Variants in NR5A2 observed in about 807,000 individuals in gnomAD.
The protein encoded by NR5A2 is nuclear receptor subfamily 5 group A member 2, also known as CYP7A promoter-binding factor.
In NR5A2, 26 loss-of-function variants were observed where a neutral mutation model predicts 62.7. The ratio of observed to expected loss-of-function variants is 0.41; its 90% CI spans 0.30 to 0.58. The LOEUF (loss-of-function observed/expected upper bound fraction) is 0.58. NR5A2 is among the 20% of genes least tolerant of loss of function. The probability of loss-of-function intolerance (pLI) is 0.22; values close to 1 mark genes in which losing one functional copy is unlikely to be tolerated. For missense variants in NR5A2, 541 were observed against 669.1 expected (o/e 0.81, Z 2.11); for synonymous variants, 246 against 241.7 (o/e 1.02, Z -0.16).
rs1471043083 is a variant in NR5A2 at position 200,176,343 on chromosome 1, G to A, written c.*2133G>A. On this transcript the variant is annotated 3_prime_UTR_variant, in exon 8 of 8. Coordinates refer to ENST00000367362, the MANE Select transcript of NR5A2 (RefSeq NM_205860.3). ...ACCTCTAATACTCATCCACATGAAG[G>A]GTACACATTAGGTAAGCTGGGCGTT... The A allele has an allele frequency of 6.6e-6, 1 of 152,530 alleles. No individual in the cohort carries two copies. The highest frequency in any genetic ancestry group is 1.5e-5 in the Non-Finnish European group (1 of 68,028). 9.4% of individuals were successfully genotyped at this position (152,530 alleles called of 1,614,324 possible).
chr1:200,072,039 T>A (rs1663759860), intron 5 of NR5A2, among the ~76,000 whole-genome samples: 1 of 152,186 alleles, frequency 6.6e-6, no homozygotes. Flanking sequence ...GGAAATTGAT[T>A]CATGTTTGGT....
At chr1:200,137,317 A>AT (rs775106954) in intron 7 of NR5A2, among the ~76,000 whole-genome samples, 8,712 of 131,102 alleles carry the variant, frequency 0.066, 378 homozygotes, top group East Asian at 0.24. Flanking sequence ...CACCTGGCTA[A>AT]TTTTTTTTTT....
At chr1:200,057,015 T>A (rs1213534663) in intron 5 of NR5A2, among the ~76,000 whole-genome samples, 1 of 152,232 alleles carries the variant, frequency 6.6e-6, no homozygotes, top group Non-Finnish European at 1.5e-5. Context: ...AAGCCCTTGT[T>A]CCTGTTCTGA....
At chr1:200,159,922 G>T (rs1046904149) in intron 7 of NR5A2, among the ~76,000 whole-genome samples, 1 of 152,154 alleles carries the variant, frequency 6.6e-6, no homozygotes, top group Non-Finnish European at 1.5e-5. Flanking sequence ...CAAAGTGCTG[G>T]GATTAGAGGC....
chr1:200,151,636 A>C (rs762218339), intron 7 of NR5A2, among the ~76,000 whole-genome samples: 1 of 152,170 alleles, frequency 6.6e-6, no homozygotes, highest in African/African-American at 2.4e-5. Context: ...ACCCTATAAA[A>C]TCTCTCAAAG....
chr1:200,166,580 G>A (rs766434381), intron 7 of NR5A2, among the ~76,000 whole-genome samples: 2 of 152,120 alleles, frequency 1.3e-5, no homozygotes, highest in Non-Finnish European at 2.9e-5. Context: ...TCCAACTCCA[G>A]CAAGTGACAG....
chr1:200,074,309 A>T (rs1266070585), intron 5 of NR5A2, among the ~76,000 whole-genome samples: 1 of 151,886 alleles, frequency 6.6e-6, no homozygotes, highest in Non-Finnish European at 1.5e-5. Context: ...GAGGCCAGGC[A>T]CAGTGGCTCA....
At chr1:200,053,962 CA>C (rs1430717959) in intron 5 of NR5A2, 1 of 152,162 alleles carries the variant, frequency 6.6e-6, no homozygotes, top group African/African-American at 2.4e-5. Flanking sequence ...TTAAAGCGGC[CA>C]AACACGATTA....
At chr1:200,140,160 C>G (rs1259463055) in intron 7 of NR5A2, among the ~76,000 whole-genome samples, 1 of 152,002 alleles carries the variant, frequency 6.6e-6, no homozygotes. Context: ...GTATTTATTT[C>G]TTTATATCAT....
chr1:200,078,760 A>G (rs1340399600), intron 5 of NR5A2, among the ~76,000 whole-genome samples: 3 of 152,220 alleles, frequency 2.0e-5, no homozygotes, highest in Admixed American at 1.3e-4. Flanking sequence ...AATGTTATAC[A>G]TAATACATAA....
intron 7 of NR5A2, among the ~76,000 whole-genome samples, chr1:200,132,416 C>T (rs1358647243): frequency 6.6e-6 from 1 of 152,160 alleles, no homozygotes; most frequent in African/African-American, 2.4e-5. Context: ...GTACACCAAG[C>T]GAAGAGTCCA....
chr1:200,161,895 CTATACCTGTGTGGTGT>C (rs1399224556), intron 7 of NR5A2, among the ~76,000 whole-genome samples: 1 of 152,176 alleles, frequency 6.6e-6, no homozygotes, highest in African/African-American at 2.4e-5. Context: ...GTGTGTGGTG[CTATACCTGTGTGGTGT>C]AGGAAATAAG....
At chr1:200,066,870 G>A (rs1399133628) in intron 5 of NR5A2, among the ~76,000 whole-genome samples, 1 of 152,122 alleles carries the variant, frequency 6.6e-6, no homozygotes, top group Admixed American at 6.5e-5. Flanking sequence ...GAGCCCCCAT[G>A]CCTGGCCCCT....
chr1:200,168,104 T>C (rs1453662186), intron 7 of NR5A2, among the ~76,000 whole-genome samples: 1 of 152,074 alleles, frequency 6.6e-6, no homozygotes, highest in Non-Finnish European at 1.5e-5. Context: ...AGGTATGAAA[T>C]AATAAATAAA....
chr1:200,171,451 A>G (rs891831118), intron 7 of NR5A2, among the ~76,000 whole-genome samples: 3 of 152,196 alleles, frequency 2.0e-5, no homozygotes, highest in Non-Finnish European at 4.4e-5. Context: ...CAGTATTCAT[A>G]GAAATTAACC....
intron 7 of NR5A2, among the ~76,000 whole-genome samples, chr1:200,131,908 G>C (rs1411731375): frequency 3.3e-5 from 5 of 152,192 alleles, no homozygotes; most frequent in Non-Finnish European, 7.4e-5. Flanking sequence ...AGAACAAATA[G>C]AAGTACAAGG....
intron 7 of NR5A2, among the ~76,000 whole-genome samples, chr1:200,129,173 T>C (rs1666855880): frequency 6.6e-6 from 1 of 152,108 alleles, no homozygotes; most frequent in Non-Finnish European, 1.5e-5. Context: ...GCCCAGAGCT[T>C]ATAACTCCAG....
Position 200,177,089 on chromosome 1 carries a change from ACTTAGCAACTGC to A in NR5A2, c.*2884_*2895del, listed in dbSNP as rs1022652847. The stretch of plus-strand genomic sequence containing the variant: ...TTAGCCGATTTGTAACCTGGCATTT[ACTTAGCAACTGC>A]CTTATCAATTACAGGATTTGCCGGT... On this transcript the variant is annotated 3_prime_UTR_variant, in exon 8 of 8. Transcript: ENST00000367362. 6.6e-6 allele frequency: 1 copy of A among 152,426 alleles called. No homozygotes were observed. The highest frequency in any genetic ancestry group is 1.5e-5 in the Non-Finnish European group (1 of 68,042). The allele number at this position is 152,426 out of a possible 1,614,324, so 9.4% of individuals were successfully genotyped here. A position where few individuals can be genotyped will look rare whatever the true frequency, so the allele number is the denominator to read the frequency against.
At chr1:200,143,456 A>G (rs753119812) in intron 7 of NR5A2, among the ~76,000 whole-genome samples, 1 of 150,758 alleles carries the variant, frequency 6.6e-6, no homozygotes, top group Non-Finnish European at 1.5e-5. Context: ...CATTCCTTCT[A>G]ATAGCCTCCT....
Sources: allele counts gnomAD v4.1 joint callset (sites outside exome capture counted in the v4.1 genomes callset), GRCh38; gene constraint gnomAD v4.1.1; transcripts MANE v1.5; gene names NCBI Gene and HGNC (gene_info 2026-07-23, HGNC 2026-07-21).